Variants in CPLANE1 observed in about 807,000 individuals in gnomAD.
The protein encoded by CPLANE1 is ciliogenesis and planar polarity effector 1.
CPLANE1 carries 263 observed loss-of-function variants against 362.5 expected under a neutral mutation model. The observed-to-expected ratio is 0.73, with a 90% CI of 0.66 to 0.80. CPLANE1 has a LOEUF of 0.80. CPLANE1 is among the 30% of genes least tolerant of loss of function. The pLI is 0.00. For missense variants in CPLANE1, 3,461 were observed against 3,793.4 expected (o/e 0.91, Z 2.30); for synonymous variants, 1,212 against 1,302.6 (o/e 0.93, Z 1.50).
intron 50 of CPLANE1, among the ~76,000 whole-genome samples, chr5:37,118,257 T>C (rs565931465): frequency 1.3e-5 from 2 of 151,728 alleles, no homozygotes; most frequent in East Asian, 3.9e-4. Context: ...TAAACAAAAA[T>C]TAGCTGGGCA....
chr5:37,205,783 G>A (rs1054214639), intron 17 of CPLANE1, among the ~76,000 whole-genome samples: 1 of 152,044 alleles, frequency 6.6e-6, no homozygotes, highest in African/African-American at 2.4e-5. Context: ...ACATGATCAC[G>A]GCTCACTGCA....
chr5:37,162,487 A>T lies in CPLANE1; in HGVS notation c.7668T>A (p.Asp2556Glu). The T allele has an allele frequency of 6.2e-7, 1 of 1,611,162 alleles. No homozygotes were observed. Among genetic ancestry groups the T allele is most frequent in the Non-Finnish European group, 8.5e-7 (1 of 1,177,666 alleles). Reference sequence around the variant, plus strand: ...TACCTGGGTCTGTATTTGTACTTGCATCTTGACTTCCTATAGCTTTCTTTT... The same window carrying T: ...TACCTGGGTCTGTATTTGTACTTGCTTCTTGACTTCCTATAGCTTTCTTTT... The part of the protein sequence containing the change: ...SVKKKAIGSQ[D>E]ASTNTDPEHE... The change falls in exon 38 of 53, where the codon GAT (aspartate) becomes GAA (glutamate). Residue 2556 changes from aspartate to glutamate, a missense_variant. By Grantham distance (45) the Asp-to-Glu change is conservative. Around this residue, in one of 2 missense-constraint regions of CPLANE1, gnomAD observed 3,380 missense variants for 3,666.1 expected, o/e 0.92. Coordinates refer to ENST00000651892, the MANE Select transcript of CPLANE1 (RefSeq NM_001384732.1).
intron 27 of CPLANE1, among the ~76,000 whole-genome samples, chr5:37,180,460 A>G (rs1397156768): frequency 6.6e-6 from 1 of 152,204 alleles, no homozygotes; most frequent in Admixed American, 6.6e-5. Flanking sequence ...TACTCGAATG[A>G]TTGGAATAAT....
intron 50 of CPLANE1, among the ~76,000 whole-genome samples, chr5:37,119,166 C>T (rs1282566984): frequency 6.6e-6 from 1 of 152,100 alleles, no homozygotes; most frequent in Non-Finnish European, 1.5e-5. Context: ...ATGGACATAT[C>T]TTGAAATGGG....
intron 50 of CPLANE1, among the ~76,000 whole-genome samples, chr5:37,119,007 G>A (rs925023099): frequency 5.9e-5 from 9 of 151,974 alleles, no homozygotes; most frequent in African/African-American, 1.4e-4. Flanking sequence ...CCACCGCGCC[G>A]GGCCTATTTT....
Position 37,173,941 on chromosome 5 carries a change from C to G in CPLANE1, c.5985G>C (p.Gln1995His), listed in dbSNP as rs759795293. The change falls in exon 32 of 53, where the codon CAG becomes CAC. Residue 1995 changes from glutamine (Q) to histidine (H), a missense_variant. By Grantham distance (24) the Gln-to-His change is conservative. Coordinates refer to ENST00000651892, the MANE Select transcript of CPLANE1 (RefSeq NM_001384732.1). Reference protein sequence around the residue: ...VDTSSEISSAQISTYKEKSSS... With the variant: ...VDTSSEISSAHISTYKEKSSS... ...AAGATTTTTCTTTATATGTAGAAAT[C>G]TGTGCACTGCGTGGAAAGCATTTAA... The G allele has an allele frequency of 1.2e-6, 2 of 1,612,728 alleles. No homozygotes were observed. The highest frequency in any genetic ancestry group is 1.7e-6 in the Non-Finnish European group (2 of 1,179,276).
At chr5:37,125,134 T>G in intron 47 of CPLANE1, 110 bp downstream of exon 47, 1 of 1,415,360 alleles carries the variant, frequency 7.1e-7, no homozygotes, top group Non-Finnish European at 9.5e-7. Context: ...CTTTTCTATA[T>G]GCCAAATTAC....
chr5:37,210,627 A>G (rs1261665648), intron 16 of CPLANE1: 4 of 1,598,702 alleles, frequency 2.5e-6, no homozygotes, highest in Non-Finnish European at 3.4e-6. Flanking sequence ...GGCAATAACA[A>G]AACAAAACCA....
chr5:37,191,797 G>C (rs545159173), intron 21 of CPLANE1, among the ~76,000 whole-genome samples: 1 of 152,292 alleles, frequency 6.6e-6, no homozygotes, highest in African/African-American at 2.4e-5. Flanking sequence ...TTATGCCACT[G>C]TATGTCTCTT....
In CPLANE1 at chr5:37,120,383, T is replaced by C. The variant is rs376081593; in HGVS notation, c.9186-43A>G. ...TAATTATTACATTCCCAGAATCTCATATCAGCGATAAACTTTAACATTTCA... is the reference window on the plus strand; with the variant it reads ...TAATTATTACATTCCCAGAATCTCACATCAGCGATAAACTTTAACATTTCA... On this transcript the variant is annotated intron_variant, in intron 49 of 52. Coordinates refer to ENST00000651892, the MANE Select transcript of CPLANE1 (RefSeq NM_001384732.1). 84 of 1,507,354 alleles carry C rather than the reference T, an allele frequency of 5.6e-5. 1 individual carries two copies. Among genetic ancestry groups the C allele is most frequent in the Non-Finnish European group, 7.4e-5 (83 of 1,125,598 alleles). The allele number at this position is 1,507,354 out of a possible 1,614,324, so 93.4% of individuals were successfully genotyped here. A position where few individuals can be genotyped will look rare whatever the true frequency, so the allele number is the denominator to read the frequency against.
chr5:37,232,859 A>AG (rs1798049811), intron 8 of CPLANE1, among the ~76,000 whole-genome samples: 1 of 150,466 alleles, frequency 6.6e-6, no homozygotes, highest in African/African-American at 2.4e-5. Context: ...AAAAAAAAAA[A>AG]AAAGAAAGAC....
At chr5:37,102,872 GT>G (rs545074881), downstream of CPLANE1, among the ~76,000 whole-genome samples, 4 of 152,298 alleles carry the variant, frequency 2.6e-5, no homozygotes, top group East Asian at 7.7e-4. Flanking sequence ...ATATTCTGTT[GT>G]TTTGGGATGG....
chr5:37,183,762 G>A, intron 25 of CPLANE1, 63 bp from the exon 26 acceptor site: 1 of 1,147,626 alleles, frequency 8.7e-7, no homozygotes. Context: ...ACTGATCTTA[G>A]AATTGACATG....
chr5:37,160,650 A>G (rs1398480753), intron 38 of CPLANE1, among the ~76,000 whole-genome samples: 1 of 151,838 alleles, frequency 6.6e-6, no homozygotes, highest in Non-Finnish European at 1.5e-5. Flanking sequence ...ATTCAGAAAG[A>G]AATACAAATT....
At chr5:37,102,702 A>G (rs1399852734), downstream of CPLANE1, among the ~76,000 whole-genome samples, 4 of 152,030 alleles carry the variant, frequency 2.6e-5, no homozygotes, top group Non-Finnish European at 4.4e-5. Flanking sequence ...TTCAATTTCC[A>G]TGTAGTTGTG....
At chr5:37,228,678 A>ATTTTAAATGTT (rs1796993389) in intron 9 of CPLANE1, among the ~76,000 whole-genome samples, 1 of 152,220 alleles carries the variant, frequency 6.6e-6, no homozygotes, top group Non-Finnish European at 1.5e-5. Context: ...TGTGGGGGAC[A>ATTTTAAATGTT]ACATACTAAA....
intron 16 of CPLANE1, among the ~76,000 whole-genome samples, chr5:37,206,926 G>C (rs1481069382): frequency 6.6e-6 from 1 of 151,572 alleles, no homozygotes; most frequent in Non-Finnish European, 1.5e-5. Flanking sequence ...ATCTGACTTT[G>C]TGTTACCCAC....
At chr5:37,235,928 G>A (rs1798892619) in intron 8 of CPLANE1, among the ~76,000 whole-genome samples, 8 of 146,438 alleles carry the variant, frequency 5.5e-5, no homozygotes, top group South Asian at 2.1e-4. Flanking sequence ...GGAGTGCAAC[G>A]GTGCAATCTC....
rs1791287728 is a variant in CPLANE1 at position 37,207,953 on chromosome 5, T to C, written c.2921-1528A>G. Among the ~76,000 whole-genome samples the C allele has an allele frequency of 2.6e-5, 4 of 152,224 alleles. No homozygotes were observed. The South Asian group carries it at 8.3e-4, about 32-fold the overall frequency. ...TTTTTTTGTTGTTGTTGTTTTTGTT[T>C]TGTTTTGTTTTGTTTTGTTTGAGAC... On this transcript the variant is annotated intron_variant, in intron 16 of 52. Coordinates refer to ENST00000651892, the MANE Select transcript of CPLANE1 (RefSeq NM_001384732.1).
Sources: gnomAD v4.1 joint callset for allele counts (sites outside exome capture counted in the v4.1 genomes callset) on GRCh38, gnomAD v4.1.1 for gene constraint, gnomAD v4.1.1 regional missense constraint, MANE v1.5 for transcripts, NCBI Gene and HGNC (gene_info 2026-07-23, HGNC 2026-07-21) for gene names.